NCKAP5: variants seen among roughly 807,000 people sequenced by gnomAD.
NCKAP5 encodes the protein nck-associated protein 5.
A neutral mutation model predicts 167.0 loss-of-function variants in NCKAP5; 92 were observed. The observed-to-expected ratio is 0.55, with a 90% CI of 0.47 to 0.66. The LOEUF is 0.66. NCKAP5 is among the 30% of genes least tolerant of loss of function. The probability of loss-of-function intolerance (pLI) is 0.00; values close to 1 mark genes in which losing one functional copy is unlikely to be tolerated. For synonymous variants in NCKAP5, 891 were observed against 877.4 expected (o/e 1.02, Z -0.27); for missense variants, 2,378 against 2,315.0 (o/e 1.03, Z -0.56).
intron 16 of NCKAP5, among the ~76,000 whole-genome samples, 155 bp downstream of exon 16, chr2:132,773,661 C>T (rs370609450): frequency 1.3e-5 from 2 of 152,104 alleles, no homozygotes; most frequent in East Asian, 1.9e-4. Context: ...TTTATGGTAA[C>T]GTCCAATGTC....
At chr2:132,900,212 C>T (rs879009790) in intron 8 of NCKAP5, among the ~76,000 whole-genome samples, 1 of 152,096 alleles carries the variant, frequency 6.6e-6, no homozygotes, top group African/African-American at 2.4e-5. Flanking sequence ...TGTTTAAAAT[C>T]TTGTGAGATT....
At chr2:132,806,170 C>T (rs1685420067) in intron 11 of NCKAP5, among the ~76,000 whole-genome samples, 1 of 152,188 alleles carries the variant, frequency 6.6e-6, no homozygotes, top group African/African-American at 2.4e-5. Context: ...TTTCTCCACT[C>T]ATTGACTGAT....
chr2:133,488,244 C>G (rs1433150132), intron 3 of NCKAP5, among the ~76,000 whole-genome samples: 3 of 152,102 alleles, frequency 2.0e-5, no homozygotes, highest in Non-Finnish European at 4.4e-5. Flanking sequence ...TTGATTTTCT[C>G]AGGTCCCTTG....
intron 3 of NCKAP5, among the ~76,000 whole-genome samples, chr2:133,451,250 C>T (rs1691533098): frequency 6.6e-6 from 1 of 152,168 alleles, no homozygotes; most frequent in South Asian, 2.1e-4. Flanking sequence ...AGTCATGGAT[C>T]TGAACTTCTA....
intron 19 of NCKAP5, among the ~76,000 whole-genome samples, chr2:132,676,915 T>C (rs150863667): frequency 8.1e-4 from 124 of 152,324 alleles, no homozygotes; most frequent in African/African-American, 2.8e-3. Context: ...GGATGGACTT[T>C]GGATTTAGAG....
At chr2:132,838,488 C>A (rs186080664) in intron 11 of NCKAP5, among the ~76,000 whole-genome samples, 1 of 151,972 alleles carries the variant, frequency 6.6e-6, no homozygotes, top group Non-Finnish European at 1.5e-5. Context: ...AAAAATTAGC[C>A]GGGCGTGGTG....
chr2:132,974,592 C>A (rs184243060), intron 7 of NCKAP5, among the ~76,000 whole-genome samples: 1 of 152,170 alleles, frequency 6.6e-6, no homozygotes, highest in Non-Finnish European at 1.5e-5. Flanking sequence ...CGATTTTGGA[C>A]GTCATGCTCT....
chr2:133,013,004 G>A (rs1156951842), intron 6 of NCKAP5, among the ~76,000 whole-genome samples: 1 of 152,074 alleles, frequency 6.6e-6, no homozygotes, highest in Non-Finnish European at 1.5e-5. Flanking sequence ...GCCAGCCCTG[G>A]GCAGCATTCT....
chr2:132,936,782 A>G (rs1696883902), intron 8 of NCKAP5, among the ~76,000 whole-genome samples: 1 of 152,168 alleles, frequency 6.6e-6, no homozygotes, highest in African/African-American at 2.4e-5. Context: ...TTACTTTTTT[A>G]TAGTTTCTAT....
At chr2:132,852,086 T>C (rs936833711) in intron 11 of NCKAP5, among the ~76,000 whole-genome samples, 2 of 152,180 alleles carry the variant, frequency 1.3e-5, no homozygotes, top group African/African-American at 4.8e-5. Context: ...GTACTTTCTG[T>C]CCCTTGCATT....
Position 133,213,174 on chromosome 2 carries a change from A to G in NCKAP5, c.207+542T>C, listed in dbSNP as rs116531021. Among the ~76,000 whole-genome samples, 455 of 152,324 alleles carry G rather than the reference A, an allele frequency of 3.0e-3. 1 individual carries two copies. Among genetic ancestry groups the G allele is most frequent in the African/African-American group, 0.01 (428 of 41,572 alleles). On this transcript the variant is annotated intron_variant, in intron 5 of 19. Coordinates refer to ENST00000409261, the MANE Select transcript of NCKAP5 (RefSeq NM_207363.3). ...AGACAGTCTATAAAATGAAGTTGCT[A>G]TGGACCAAAATAACTGTATTGATTT...
chr2:133,486,630 G>A (rs1680931486), intron 3 of NCKAP5, among the ~76,000 whole-genome samples: 1 of 152,162 alleles, frequency 6.6e-6, no homozygotes, highest in African/African-American at 2.4e-5. Context: ...AGTTCAGTCA[G>A]CTGAATTTAC....
At chr2:132,725,172 A>G (rs961322994) in intron 19 of NCKAP5, among the ~76,000 whole-genome samples, 1 of 152,220 alleles carries the variant, frequency 6.6e-6, no homozygotes, top group African/African-American at 2.4e-5. Context: ...TCAAAGACAA[A>G]GATGGTGAGG....
intron 3 of NCKAP5, among the ~76,000 whole-genome samples, chr2:133,417,463 G>A (rs554109524): frequency 2.0e-5 from 3 of 152,360 alleles, no homozygotes; most frequent in Admixed American, 2.0e-4. Context: ...AGCACAGTGG[G>A]TCAGTCTGGC....
At chr2:132,855,492 C>A (rs1689394672) in intron 11 of NCKAP5, among the ~76,000 whole-genome samples, 1 of 152,216 alleles carries the variant, frequency 6.6e-6, no homozygotes, top group African/African-American at 2.4e-5. Context: ...CTGGTCCACA[C>A]AAACAGCCAA....
chr2:133,597,021 T>G, the NCKAP5 span, among the ~76,000 whole-genome samples: 201 of 152,290 alleles, frequency 1.3e-3, 4 homozygotes, highest in East Asian at 0.037. Context: ...TTGCAAAGGC[T>G]TTTCAGTTCC....
intron 4 of NCKAP5, among the ~76,000 whole-genome samples, chr2:133,229,312 T>C (rs1189104356): frequency 6.6e-6 from 1 of 152,006 alleles, no homozygotes; most frequent in Admixed American, 6.5e-5. Context: ...GAGAACAAAA[T>C]AAGAAATGAG....
chr2:132,893,182 AC>A (rs1277017467), intron 8 of NCKAP5, among the ~76,000 whole-genome samples: 1 of 152,206 alleles, frequency 6.6e-6, no homozygotes. Context: ...ATGTGGAAGA[AC>A]AGGCACACTC....
chr2:133,637,730 G>A, the NCKAP5 span, among the ~76,000 whole-genome samples: 1 of 152,086 alleles, frequency 6.6e-6, no homozygotes, highest in Non-Finnish European at 1.5e-5. Flanking sequence ...TGAAAATATT[G>A]TTAAAAGTTT....
Sources: gnomAD v4.1 joint callset for allele counts (sites outside exome capture counted in the v4.1 genomes callset) on GRCh38, gnomAD v4.1.1 for gene constraint, MANE v1.5 for transcripts, NCBI Gene and HGNC (gene_info 2026-07-23, HGNC 2026-07-21) for gene names.